PCBP3: variants seen among roughly 807,000 people sequenced by gnomAD.
PCBP3 encodes the protein poly(rC)-binding protein 3.
PCBP3 carries 25 observed loss-of-function variants against 52.7 expected under a neutral mutation model. The observed-to-expected ratio is 0.47, with a 90% CI of 0.35 to 0.66. The LOEUF (loss-of-function observed/expected upper bound fraction) is 0.66. PCBP3 is among the 30% of genes least tolerant of loss of function. The pLI is 0.01. For synonymous variants in PCBP3, 162 were observed against 183.0 expected (o/e 0.89, Z 0.93); for missense variants, 391 against 490.3 (o/e 0.80, Z 1.91).
chr21:45,814,671 G>A (rs1424946542), intron 4 of PCBP3, among the ~76,000 whole-genome samples: 1 of 102,040 alleles, frequency 9.8e-6, no homozygotes, highest in Non-Finnish European at 2.2e-5. Flanking sequence ...TGAGTGATGA[G>A]TGGTGAGTGG....
In PCBP3 at chr21:45,746,620, G is replaced by GC. The variant is rs1222609679; in HGVS notation, c.-161-8796dup. ...CGCCGTGTCAGTCCATTGACGTAGC[G>GC]CACACGGTGGTGTCAGCATCGCCGT... On this transcript the variant is annotated intron_variant, in intron 3 of 17. Transcript: ENST00000681687. 5.6e-3 allele frequency among the ~76,000 whole-genome samples: 192 copies of GC among 34,376 alleles called. 33 individuals are homozygous for GC. Among genetic ancestry groups the GC allele is most frequent in the Non-Finnish European group, 6.2e-3 (113 of 18,194 alleles). The allele number at this position is 34,376 out of a possible 152,430, so 22.6% of individuals were successfully genotyped here. A position where few individuals can be genotyped will look rare whatever the true frequency, so the allele number is the denominator to read the frequency against.
Position 45,821,909 on chromosome 21 carries a change from C to T in PCBP3, c.-125-28052C>T, listed in dbSNP as rs2093151541. On this transcript the variant is annotated intron_variant, in intron 4 of 17. Transcript: ENST00000681687. The surrounding 1 kb of genome is among the most constrained non-coding windows in gnomAD (Gnocchi z 4.4). ...GGCTCCTCCTTAGGGTGCATTGTCA[C>T]TCGGCGTTTCCGACACCTGCTCTCA... is the stretch of plus-strand genomic sequence containing the variant. 6.6e-6 allele frequency among the ~76,000 whole-genome samples: 1 copy of T among 152,208 alleles called. No individual in the cohort carries two copies. The highest frequency in any genetic ancestry group is 6.5e-5 in the Admixed American group (1 of 15,288).
chr21:45,797,512 G>T (rs1157533016), intron 4 of PCBP3, among the ~76,000 whole-genome samples: 1 of 141,308 alleles, frequency 7.1e-6, no homozygotes, highest in Non-Finnish European at 1.5e-5. Flanking sequence ...ATGGATAGAT[G>T]AGTACATGGA....
intron 2 of PCBP3, among the ~76,000 whole-genome samples, chr21:45,687,459 A>G (rs2082219781): frequency 6.6e-6 from 1 of 152,182 alleles, no homozygotes; most frequent in South Asian, 2.1e-4. Context: ...TGGAATGCCA[A>G]AAGAGAAAGA....
chr21:45,743,412 C>T (rs879612388), intron 3 of PCBP3, among the ~76,000 whole-genome samples: 4 of 152,086 alleles, frequency 2.6e-5, no homozygotes, highest in South Asian at 4.1e-4. Context: ...TATTAAGTTA[C>T]GTGTTTTTTA....
At chr21:45,889,373 A>G (rs2095599366) in intron 5 of PCBP3, among the ~76,000 whole-genome samples, 1 of 152,206 alleles carries the variant, frequency 6.6e-6, no homozygotes, top group South Asian at 2.1e-4. Context: ...CGTCTTCTCT[A>G]CTGTTCCCCT....
chr21:45,814,530 T>G (rs1309526042), intron 4 of PCBP3, among the ~76,000 whole-genome samples: 1 of 49,802 alleles, frequency 2.0e-5, no homozygotes, highest in Non-Finnish European at 3.6e-5. Flanking sequence ...GGTGAGTGAG[T>G]GATGAGTGGT....
intron 2 of PCBP3, among the ~76,000 whole-genome samples, chr21:45,699,784 T>C (rs968244137): frequency 2.0e-5 from 3 of 152,100 alleles, no homozygotes; most frequent in East Asian, 1.9e-4. Flanking sequence ...GTCACAAGAA[T>C]AGCATGGGAA....
chr21:45,767,645 G>A (rs1019221376), intron 4 of PCBP3, among the ~76,000 whole-genome samples: 1 of 152,224 alleles, frequency 6.6e-6, no homozygotes, highest in Non-Finnish European at 1.5e-5. Flanking sequence ...TTCTTGAGGT[G>A]GCACTTTTTT....
chr21:45,739,890 T>C (rs955722085), intron 3 of PCBP3, among the ~76,000 whole-genome samples: 5 of 152,228 alleles, frequency 3.3e-5, no homozygotes, highest in African/African-American at 1.2e-4. Flanking sequence ...CCAGTGTCCA[T>C]GTGGTAGAAC....
intron 13 of PCBP3, among the ~76,000 whole-genome samples, chr21:45,925,568 A>C (rs967131008): frequency 4.6e-5 from 7 of 152,224 alleles, no homozygotes; most frequent in Admixed American, 1.3e-4. Flanking sequence ...GCAAAAAATA[A>C]TTTTTTTGTT....
chr21:45,819,501 C>T (rs1019878438), intron 4 of PCBP3, among the ~76,000 whole-genome samples: 17 of 152,228 alleles, frequency 1.1e-4, no homozygotes, highest in Admixed American at 6.5e-4. Flanking sequence ...ACACCTGGCA[C>T]GACACTGCCG....
chr21:45,786,236 GGAGA>G (rs1458629733), intron 4 of PCBP3, among the ~76,000 whole-genome samples: 3 of 150,328 alleles, frequency 2.0e-5, no homozygotes, highest in East Asian at 1.9e-4. Flanking sequence ...CTGCATAACA[GGAGA>G]GAGTCTTGTT....
intron 4 of PCBP3, among the ~76,000 whole-genome samples, chr21:45,801,965 C>T (rs78450500): frequency 0.021 from 3,204 of 152,252 alleles, 122 homozygotes; most frequent in African/African-American, 0.073. Context: ...AACATCTCAG[C>T]GTCATCAGTG....
At chr21:45,938,412 C>T (rs1010156331) in intron 16 of PCBP3, among the ~76,000 whole-genome samples, 2 of 152,178 alleles carry the variant, frequency 1.3e-5, no homozygotes, top group Non-Finnish European at 2.9e-5. Context: ...CAGCTATGTT[C>T]CCCCTCCCCA....
intron 4 of PCBP3, among the ~76,000 whole-genome samples, chr21:45,767,578 A>G (rs2089465521): frequency 6.6e-6 from 1 of 152,206 alleles, no homozygotes; most frequent in Admixed American, 6.5e-5. Flanking sequence ...CTCTGTGTTA[A>G]CTGACTGAGG....
chr21:45,935,626 C>T (rs546974013), intron 16 of PCBP3: 91 of 448,898 alleles, frequency 2.0e-4, no homozygotes, highest in African/African-American at 1.7e-3. Context: ...GCGGGCCAAA[C>T]CTTGAAGAAC....
chr21:45,717,127 T>A (rs886311526), intron 2 of PCBP3, among the ~76,000 whole-genome samples: 1 of 152,184 alleles, frequency 6.6e-6, no homozygotes, highest in African/African-American at 2.4e-5. Flanking sequence ...GAATGGATTT[T>A]TTAAAATTTT....
At chr21:45,918,088 A>ATGCGGC in intron 13 of PCBP3, 2 of 229,720 alleles carry the variant, frequency 8.7e-6, no homozygotes, top group Non-Finnish European at 1.7e-5. Context: ...AGTCCACATG[A>ATGCGGC]AAACATAGGG....
Sources: gnomAD v4.1 joint callset for allele counts (sites outside exome capture counted in the v4.1 genomes callset) on GRCh38, gnomAD v4.1.1 for gene constraint, Gnocchi (gnomAD v3.1) non-coding constraint, MANE v1.5 for transcripts, NCBI Gene and HGNC (gene_info 2026-07-23, HGNC 2026-07-21) for gene names.